Variants in RABGAP1L observed in about 807,000 individuals in gnomAD.
RABGAP1L encodes the protein RAB GTPase activating protein 1 like.
RABGAP1L carries 63 observed loss-of-function variants against 137.7 expected under a neutral mutation model. That is an observed-to-expected ratio of 0.46 (90% CI 0.37 to 0.56). The LOEUF (loss-of-function observed/expected upper bound fraction) is 0.56. Ranked by LOEUF, RABGAP1L falls within the 20% of genes least tolerant of loss-of-function variation. The pLI, the probability that RABGAP1L is intolerant of heterozygous loss-of-function variation, is 0.00. For synonymous variants in RABGAP1L, 431 were observed against 433.7 expected, an observed-to-expected ratio of 0.99 and a Z score of 0.08; for missense variants, 1,095 against 1,244.0, an observed-to-expected ratio of 0.88 and a Z score of 1.80.
intron 22 of RABGAP1L, among the ~76,000 whole-genome samples, chr1:174,977,599 G>T (rs1229423032): frequency 2.6e-5 from 4 of 152,180 alleles, no homozygotes; most frequent in Non-Finnish European, 5.9e-5. Context: ...GTGCATCTGT[G>T]TGTGTGTAAC....
chr1:174,788,853 A>G (rs764013146), intron 18 of RABGAP1L, among the ~76,000 whole-genome samples: 3 of 152,136 alleles, frequency 2.0e-5, no homozygotes, highest in African/African-American at 7.2e-5. Flanking sequence ...CTGGAATCAC[A>G]GGCGTGCACC....
Position 174,860,911 on chromosome 1 carries a change from A to ATG in RABGAP1L, c.2340+48967_2340+48968dup, listed in dbSNP as rs544565025. On this transcript the variant is annotated intron_variant, in intron 19 of 25. Coordinates refer to ENST00000681986, the MANE Select transcript of RABGAP1L (RefSeq NM_001366446.1). ...ACACATCCAATACCCCATATAGTTAATGTGTGTGTGTGTGTGTATGTGTGT... is the reference window on the plus strand; with the variant it reads ...ACACATCCAATACCCCATATAGTTAATGTGTGTGTGTGTGTGTGTATGTGTGT... 5.4e-3 allele frequency among the ~76,000 whole-genome samples: 818 copies of ATG among 151,196 alleles called. 16 individuals are homozygous for ATG. Among genetic ancestry groups the ATG allele is most frequent in the Admixed American group, 0.033 (507 of 15,162 alleles).
At chr1:174,664,734 C>CTTTTTTTTTTTT (rs71701825) in intron 14 of RABGAP1L, among the ~76,000 whole-genome samples, 2 of 97,574 alleles carry the variant, frequency 2.0e-5, no homozygotes, top group African/African-American at 5.2e-5. Flanking sequence ...TTTCTGCTTT[C>CTTTTTTTTTTTT]TTTTTTTTTT....
At chr1:174,816,750 T>TG (rs1690458420) in intron 19 of RABGAP1L, among the ~76,000 whole-genome samples, 1 of 151,340 alleles carries the variant, frequency 6.6e-6, no homozygotes, top group Non-Finnish European at 1.5e-5. Context: ...TTTTTTTTTT[T>TG]GAGATGGAGT....
In RABGAP1L at chr1:174,316,662, C is replaced by T. The variant is rs542852352; in HGVS notation, c.1465+11535C>T. On this transcript the variant is annotated intron_variant, in intron 11 of 25. Coordinates refer to ENST00000681986, the MANE Select transcript of RABGAP1L (RefSeq NM_001366446.1). ...CTCTGTCACCACTCCCTGGCTACTG[C>T]CTATGTTCACTCAGGCTCTGGAGCT... Among the ~76,000 whole-genome samples, 7 of 152,310 alleles carry T rather than the reference C, an allele frequency of 4.6e-5. No individual in the cohort carries two copies. The South Asian group carries it at 1.5e-3, about 32-fold the overall frequency.
At chr1:174,180,453 A>G (rs1666260332) in intron 1 of RABGAP1L, among the ~76,000 whole-genome samples, 1 of 152,184 alleles carries the variant, frequency 6.6e-6, no homozygotes, top group Non-Finnish European at 1.5e-5. Flanking sequence ...GCCATAATTG[A>G]TAAACTTTGC....
At chr1:174,733,057 C>T (rs745853834) in intron 17 of RABGAP1L, among the ~76,000 whole-genome samples, 2 of 151,952 alleles carry the variant, frequency 1.3e-5, no homozygotes, top group Non-Finnish European at 2.9e-5. Context: ...GTTAAAATAA[C>T]TCTAAGTCAT....
chr1:174,318,830 T>G (rs1334911568), intron 11 of RABGAP1L, among the ~76,000 whole-genome samples: 1 of 151,984 alleles, frequency 6.6e-6, no homozygotes, highest in African/African-American at 2.4e-5. Context: ...TGCCAACAGC[T>G]TAACTAACTG....
chr1:174,796,197 G>A (rs1424118097), intron 18 of RABGAP1L, among the ~76,000 whole-genome samples: 1 of 152,100 alleles, frequency 6.6e-6, no homozygotes, highest in African/African-American at 2.4e-5. Flanking sequence ...TGTTCTGTTG[G>A]GTACATGCTT....
Position 174,219,207 on chromosome 1 carries a change from T to G in RABGAP1L, c.50T>G (p.Val17Gly), listed in dbSNP as rs907619632. 1 of 1,604,196 alleles carries G rather than the reference T, an allele frequency of 6.2e-7. No individual in the cohort carries two copies. The highest frequency in any genetic ancestry group is 8.5e-7 in the Non-Finnish European group (1 of 1,173,774). Residue 17 changes from valine to glycine, a missense_variant, in exon 2 of 26, where the codon GTG becomes GGG. Physicochemically the swap from Val to Gly is moderately radical, Grantham distance 109 (BLOSUM62 -3). This residue lies in a region of RABGAP1L where 356 missense variants were observed against 326.3 expected (regional missense o/e 1.09). Coordinates refer to ENST00000681986, the MANE Select transcript of RABGAP1L (RefSeq NM_001366446.1). Reference protein sequence around the residue: ...LQKVSGSSDSVATMNSEEFVL... With the variant: ...LQKVSGSSDSGATMNSEEFVL... Reference sequence around the variant, plus strand: ...AAGGTTAGTGGATCATCTGATTCTGTGGCTACAATGAACAGTGAAGAATTT... The same window carrying G: ...AAGGTTAGTGGATCATCTGATTCTGGGGCTACAATGAACAGTGAAGAATTT...
intron 18 of RABGAP1L, among the ~76,000 whole-genome samples, chr1:174,799,295 A>C (rs1298064974): frequency 2.0e-5 from 3 of 152,198 alleles, no homozygotes; most frequent in Non-Finnish European, 4.4e-5. Flanking sequence ...AAACACTTCA[A>C]CTTGAGGGTG....
At chr1:174,923,162 G>T (rs1038535690) in intron 19 of RABGAP1L, among the ~76,000 whole-genome samples, 65 of 137,226 alleles carry the variant, frequency 4.7e-4, no homozygotes, top group Non-Finnish European at 8.8e-4. Flanking sequence ...AAAAAAAAAA[G>T]TAGAGCATAT....
At chr1:174,249,866 A>G (rs969659533) in intron 5 of RABGAP1L, among the ~76,000 whole-genome samples, 1 of 150,816 alleles carries the variant, frequency 6.6e-6, no homozygotes, top group African/African-American at 2.4e-5. Flanking sequence ...CTGGTCTTGA[A>G]CTCCTGACCT....
chr1:174,618,949 G>A (rs552496049), intron 13 of RABGAP1L, among the ~76,000 whole-genome samples: 12 of 152,344 alleles, frequency 7.9e-5, no homozygotes, highest in Middle Eastern at 3.4e-3. Context: ...GCTTAAAGGA[G>A]CTGATGGAGC....
At chr1:174,439,129 T>C (rs72713584) in intron 13 of RABGAP1L, among the ~76,000 whole-genome samples, 53,297 of 151,540 alleles carry the variant, frequency 0.35, 12,011 homozygotes, top group African/African-American at 0.64. Flanking sequence ...ATATCCTTCC[T>C]TTTTTCCCAG....
At chr1:174,514,796 C>T (rs2147818079) in intron 13 of RABGAP1L, among the ~76,000 whole-genome samples, 1 of 152,252 alleles carries the variant, frequency 6.6e-6, no homozygotes, top group African/African-American at 2.4e-5. Context: ...TCCAAATTTG[C>T]AGGCTGGGCC....
intron 13 of RABGAP1L, among the ~76,000 whole-genome samples, chr1:174,611,976 A>G (rs1671296205): frequency 6.6e-6 from 1 of 152,328 alleles, no homozygotes; most frequent in South Asian, 2.1e-4. Context: ...TGGGGTTTCT[A>G]GATATACAAT....
chr1:174,628,514 C>T (rs370578467), intron 13 of RABGAP1L, among the ~76,000 whole-genome samples: 6 of 152,266 alleles, frequency 3.9e-5, no homozygotes, highest in African/African-American at 1.2e-4. Context: ...ACTTCACATA[C>T]ATTCTAAATA....
intron 17 of RABGAP1L, among the ~76,000 whole-genome samples, chr1:174,727,124 T>C (rs1171833185): frequency 1.3e-5 from 2 of 152,168 alleles, no homozygotes; most frequent in African/African-American, 2.4e-5. Flanking sequence ...AAGATAATAA[T>C]ATCAATTTCT....
Sources: gnomAD v4.1 joint callset for allele counts (sites outside exome capture counted in the v4.1 genomes callset) on GRCh38, gnomAD v4.1.1 for gene constraint, gnomAD v4.1.1 regional missense constraint, MANE v1.5 for transcripts, NCBI Gene and HGNC (gene_info 2026-07-23, HGNC 2026-07-21) for gene names.